The following MTFR1 variants were observed in gnomAD, a reference collection of about 807,000 sequenced individuals.
MTFR1 encodes the protein mitochondrial fission regulator 1, also known as chondrocyte protein with a poly-proline region.
MTFR1 carries 28 observed loss-of-function variants against 38.8 expected under a neutral mutation model. The ratio of observed to expected loss-of-function variants is 0.72; its 90% CI spans 0.53 to 0.99. MTFR1 has a LOEUF of 0.99. MTFR1 is among the 50% of genes least tolerant of loss of function. The probability of loss-of-function intolerance (pLI) is 0.00; values close to 1 mark genes in which losing one functional copy is unlikely to be tolerated. For missense variants in MTFR1, 358 were observed against 395.5 expected, an observed-to-expected ratio of 0.91 and a Z score of 0.81; for synonymous variants, 145 against 137.0, an observed-to-expected ratio of 1.06 and a Z score of -0.41.
intron 2 of MTFR1, among the ~76,000 whole-genome samples, chr8:65,679,335 G>A (rs1489166260): frequency 6.6e-6 from 1 of 152,224 alleles, no homozygotes; most frequent in Admixed American, 6.5e-5. Context: ...GCCATGTGCG[G>A]TGGTGCACGC....
At chr8:65,729,992 A>G (rs1027512408) in intron 3 of MTFR1, among the ~76,000 whole-genome samples, 8 of 151,922 alleles carry the variant, frequency 5.3e-5, no homozygotes, top group Admixed American at 1.3e-4. Flanking sequence ...TCCCCAGGCC[A>G]TGGACCGGTA....
intron 3 of MTFR1, among the ~76,000 whole-genome samples, chr8:65,732,696 A>G (rs1806950519): frequency 6.6e-6 from 1 of 152,144 alleles, no homozygotes. Context: ...TATTTTTTGT[A>G]GAGATGGGAT....
At chr8:65,705,858 A>G (rs558388548) in intron 5 of MTFR1, among the ~76,000 whole-genome samples, 17 of 152,278 alleles carry the variant, frequency 1.1e-4, no homozygotes, top group Admixed American at 7.2e-4. Context: ...GTCTAACACC[A>G]TTGGGTTTAT....
At chr8:65,708,277 A>C (rs1805846265) in intron 7 of MTFR1, 2 of 584,400 alleles carry the variant, frequency 3.4e-6, no homozygotes, top group Non-Finnish European at 5.7e-6. Flanking sequence ...CAGAAAGAAG[A>C]AAGCCAAAGT....
intron 3 of MTFR1, among the ~76,000 whole-genome samples, chr8:65,729,727 T>C (rs559931660): frequency 1.6e-5 from 2 of 122,768 alleles, no homozygotes; most frequent in South Asian, 4.9e-4. Context: ...CATGCCTGAC[T>C]TTTTTTTTTT....
chr8:65,706,447 C>T (rs1474923119), intron 5 of MTFR1, among the ~76,000 whole-genome samples: 1 of 152,124 alleles, frequency 6.6e-6, no homozygotes, highest in Admixed American at 6.5e-5. Context: ...GTTTTAGAGA[C>T]AGGGTTTCAC....
intron 3 of MTFR1, among the ~76,000 whole-genome samples, chr8:65,745,062 G>A (rs1807610734): frequency 6.6e-6 from 1 of 152,164 alleles, no homozygotes; most frequent in Non-Finnish European, 1.5e-5. Flanking sequence ...TCTTGTGGTA[G>A]TGGATAAGTC....
chr8:65,743,440 G>A (rs573563475), intron 3 of MTFR1, among the ~76,000 whole-genome samples: 2 of 152,298 alleles, frequency 1.3e-5, no homozygotes, highest in East Asian at 3.9e-4. Context: ...TAGCGAAGGG[G>A]AGGAATAAAA....
At position 65,704,681 on chromosome 8, in the gene MTFR1, G is replaced by T; in HGVS notation, c.282-13G>T. The T allele has an allele frequency of 6.2e-7, 1 of 1,611,888 alleles. No individual in the cohort carries two copies. The highest frequency in any genetic ancestry group is 8.5e-7 in the Non-Finnish European group (1 of 1,178,192). ...CAAAGCCTGTGACAGCCCACCTTAT[G>T]TCTTCCTTGCAGGACAGAGGTCAGA... is the stretch of plus-strand genomic sequence containing the variant. On this transcript the variant is annotated splice_polypyrimidine_tract_variant and intron_variant, in intron 4 of 7. Coordinates refer to ENST00000262146, the MANE Select transcript of MTFR1 (RefSeq NM_014637.4).
At chr8:65,713,513 CTCTT>C (rs1806019334), downstream of MTFR1, among the ~76,000 whole-genome samples, 1 of 151,608 alleles carries the variant, frequency 6.6e-6, no homozygotes, top group Non-Finnish European at 1.5e-5. Flanking sequence ...ATGTGTTTCT[CTCTT>C]TCCCCCACCA....
At chr8:65,706,744 C>T (rs922841786) in intron 5 of MTFR1, among the ~76,000 whole-genome samples, 5 of 152,066 alleles carry the variant, frequency 3.3e-5, no homozygotes, top group Non-Finnish European at 4.4e-5. Context: ...TGTAGTCAAA[C>T]TTGAACATTT....
intron 3 of MTFR1, among the ~76,000 whole-genome samples, chr8:65,751,494 C>A (rs1160814302): frequency 6.7e-6 from 1 of 149,884 alleles, no homozygotes; most frequent in Admixed American, 6.6e-5. Flanking sequence ...TTTCTTTTCT[C>A]GAGTTTCATC....
intron 3 of MTFR1, among the ~76,000 whole-genome samples, chr8:65,683,132 C>CTTTTTTTT (rs748824241): frequency 3.9e-4 from 47 of 121,654 alleles, no homozygotes; most frequent in Non-Finnish European, 5.6e-4. Flanking sequence ...TTCTTTCTTT[C>CTTTTTTTT]TTTTTTTTTT....
chr8:65,690,962 T>C (rs921391104), intron 3 of MTFR1, among the ~76,000 whole-genome samples: 3 of 152,170 alleles, frequency 2.0e-5, no homozygotes, highest in Admixed American at 6.5e-5. Context: ...CAGGATACCA[T>C]TCTGTTTTCA....
At chr8:65,770,026 A>T (rs1229622743) in intron 3 of MTFR1, among the ~76,000 whole-genome samples, 1 of 152,198 alleles carries the variant, frequency 6.6e-6, no homozygotes, top group Non-Finnish European at 1.5e-5. Context: ...TAATTTCAAA[A>T]CACATACAAA....
chr8:65,711,356 C>G (rs1034784258), downstream of MTFR1, among the ~76,000 whole-genome samples: 2 of 151,844 alleles, frequency 1.3e-5, no homozygotes, highest in Non-Finnish European at 2.9e-5. Flanking sequence ...GTGGTAATAA[C>G]TAGCAGAAAC....
chr8:65,698,555 A>T (rs1414898898), intron 4 of MTFR1, among the ~76,000 whole-genome samples: 1 of 152,216 alleles, frequency 6.6e-6, no homozygotes, highest in Non-Finnish European at 1.5e-5. Context: ...GGAATTAAAA[A>T]AAAACTTTTA....
At chr8:65,719,940 T>C (rs889152633) in intron 3 of MTFR1, among the ~76,000 whole-genome samples, 1 of 152,230 alleles carries the variant, frequency 6.6e-6, no homozygotes. Flanking sequence ...AGTAGTCTAC[T>C]GCTTTACCCC....
chr8:65,685,634 C>A (rs1805048813), intron 3 of MTFR1, among the ~76,000 whole-genome samples: 1 of 152,120 alleles, frequency 6.6e-6, no homozygotes, highest in Admixed American at 6.6e-5. Context: ...CTTTATATAG[C>A]AAGTAAACCT....
Sources: allele counts gnomAD v4.1 joint callset (sites outside exome capture counted in the v4.1 genomes callset), GRCh38; gene constraint gnomAD v4.1.1; transcripts MANE v1.5; gene names NCBI Gene and HGNC (gene_info 2026-07-23, HGNC 2026-07-21).